The following ERC2 variants were observed in gnomAD, a reference collection of about 807,000 sequenced individuals.
ERC2 encodes ELKS/RAB6-interacting/CAST family member 2, also known as ERC protein 2.
A neutral mutation model predicts 114.8 loss-of-function variants in ERC2; 42 were observed. The observed-to-expected ratio is 0.37, with a 90% CI of 0.29 to 0.47. The LOEUF (loss-of-function observed/expected upper bound fraction) is 0.47, where lower values mean the gene tolerates loss of function less well. Ranked by LOEUF, ERC2 falls within the 20% of genes least tolerant of loss-of-function variation. ERC2 has a pLI of 0.99. For missense variants in ERC2, 939 were observed against 1,150.7 expected, an observed-to-expected ratio of 0.82 and a Z score of 2.66; for synonymous variants, 454 against 425.5, an observed-to-expected ratio of 1.07 and a Z score of -0.82.
chr3:55,790,319 C>G (rs2069890187), intron 14 of ERC2, among the ~76,000 whole-genome samples: 1 of 152,138 alleles, frequency 6.6e-6, no homozygotes, highest in African/African-American at 2.4e-5. Flanking sequence ...GCCAGTTTCT[C>G]TGGAAGCGCT....
rs571693205 is a variant in ERC2 at position 55,949,927 on chromosome 3, T to C, written c.2403+498A>G. On this transcript the variant is annotated intron_variant, in intron 13 of 17. Transcript: ENST00000288221. ...TAAGATATGGCTGTCCATTGAAAGA[T>C]AACTATATTCACAGAGAAGACAGAA... 9.8e-5 allele frequency among the ~76,000 whole-genome samples: 15 copies of C among 152,294 alleles called. No homozygotes were observed. The South Asian group carries it at 3.1e-3, about 32-fold the overall frequency.
chr3:55,944,578 G>A (rs576994950), intron 13 of ERC2, among the ~76,000 whole-genome samples: 9 of 152,278 alleles, frequency 5.9e-5, no homozygotes, highest in Non-Finnish European at 1.2e-4. Context: ...TTATTTACAC[G>A]ATTGCACTTG....
intron 3 of ERC2, among the ~76,000 whole-genome samples, chr3:56,272,777 A>G (rs193007889): frequency 3.2e-4 from 48 of 152,300 alleles, no homozygotes; most frequent in Admixed American, 1.8e-3. Flanking sequence ...ATAATAAAAA[A>G]CAAAGAAAGA....
intron 17 of ERC2, among the ~76,000 whole-genome samples, chr3:55,545,243 C>T (rs1456393469): frequency 2.6e-5 from 4 of 152,222 alleles, no homozygotes; most frequent in Non-Finnish European, 4.4e-5. Context: ...GAACTCCCTG[C>T]GTCAACATCC....
At chr3:56,084,728 G>A (rs2077413216) in intron 6 of ERC2, among the ~76,000 whole-genome samples, 2 of 151,962 alleles carry the variant, frequency 1.3e-5, no homozygotes, top group African/African-American at 4.8e-5. Context: ...AGGAGGATGA[G>A]GAATAAAAAA....
chr3:56,375,307 C>T (rs911559758), intron 2 of ERC2, among the ~76,000 whole-genome samples: 8 of 152,180 alleles, frequency 5.3e-5, no homozygotes, highest in Non-Finnish European at 1.0e-4. Flanking sequence ...CCCAAAACAT[C>T]AGTTCTGAAT....
intron 17 of ERC2, among the ~76,000 whole-genome samples, chr3:55,629,063 A>T (rs1452755312): frequency 1.3e-5 from 2 of 152,240 alleles, no homozygotes; most frequent in Non-Finnish European, 2.9e-5. Context: ...ACTACTGTAA[A>T]GGGACAAGAA....
At chr3:55,762,807 C>A (rs2067536367) in intron 14 of ERC2, among the ~76,000 whole-genome samples, 2 of 152,136 alleles carry the variant, frequency 1.3e-5, no homozygotes, top group Admixed American at 1.3e-4. Flanking sequence ...GGAAGAATGG[C>A]TGAATATTTG....
intron 14 of ERC2, among the ~76,000 whole-genome samples, chr3:55,876,087 T>A (rs1312019572): frequency 6.6e-6 from 1 of 152,230 alleles, no homozygotes. Flanking sequence ...AAACATTTAT[T>A]GAATGTTTAG....
At chr3:55,553,713 G>A (rs1385479446) in intron 17 of ERC2, among the ~76,000 whole-genome samples, 18 of 152,044 alleles carry the variant, frequency 1.2e-4, no homozygotes, top group Admixed American at 1.2e-3. Flanking sequence ...CCGGGAGGTG[G>A]AGCTTGCCGT....
chr3:55,814,523 C>G (rs541668390), intron 14 of ERC2, among the ~76,000 whole-genome samples: 2 of 152,254 alleles, frequency 1.3e-5, no homozygotes, highest in South Asian at 4.2e-4. Flanking sequence ...CCTTTCTGTT[C>G]AAATAGGGCT....
At chr3:56,300,414 C>A (rs1400283821) in intron 2 of ERC2, among the ~76,000 whole-genome samples, 1 of 151,944 alleles carries the variant, frequency 6.6e-6, no homozygotes, top group Non-Finnish European at 1.5e-5. Flanking sequence ...GCTAGAAATG[C>A]AGAGAGGAGG....
At chr3:55,536,833 T>C (rs2054030406) in intron 17 of ERC2, among the ~76,000 whole-genome samples, 1 of 152,168 alleles carries the variant, frequency 6.6e-6, no homozygotes, top group South Asian at 2.1e-4. Context: ...CTCGGCCCAG[T>C]GCCTCAACCC....
At chr3:55,985,132 C>T (rs1466978847) in intron 12 of ERC2, among the ~76,000 whole-genome samples, 1 of 152,156 alleles carries the variant, frequency 6.6e-6, no homozygotes, top group Admixed American at 6.5e-5. Flanking sequence ...TTAGTAAACT[C>T]ATTGATTGAA....
At chr3:56,003,025 G>C (rs553846304) in intron 10 of ERC2, 284 of 1,116,476 alleles carry the variant, frequency 2.5e-4, no homozygotes, top group Non-Finnish European at 2.7e-4. Flanking sequence ...CCCCAGTATG[G>C]CACACCGTGA....
At chr3:56,413,586 G>T (rs9813010) in intron 2 of ERC2, among the ~76,000 whole-genome samples, 2 of 152,034 alleles carry the variant, frequency 1.3e-5, no homozygotes, top group African/African-American at 2.4e-5. Flanking sequence ...AGTCCCCTTG[G>T]TCAGACACTG....
At chr3:55,597,314 A>G (rs1327431339) in intron 17 of ERC2, among the ~76,000 whole-genome samples, 1 of 151,204 alleles carries the variant, frequency 6.6e-6, no homozygotes, top group Non-Finnish European at 1.5e-5. Context: ...CAGCCACTTG[A>G]GAGGCTGAGG....
chr3:56,147,844 C>T (rs550560822), intron 5 of ERC2, among the ~76,000 whole-genome samples: 15 of 152,152 alleles, frequency 9.9e-5, no homozygotes, highest in South Asian at 4.2e-4. Flanking sequence ...CCTATTTGGG[C>T]TATTCGTAAA....
intron 17 of ERC2, chr3:55,607,812 T>G (rs2058709767): frequency 6.6e-6 from 1 of 152,124 alleles, no homozygotes; most frequent in Non-Finnish European, 1.5e-5. Context: ...GAGCCCACTT[T>G]GCCCCTTCCT....
Sources: allele counts gnomAD v4.1 joint callset (sites outside exome capture counted in the v4.1 genomes callset), GRCh38; gene constraint gnomAD v4.1.1; transcripts MANE v1.5; gene names NCBI Gene and HGNC (gene_info 2026-07-23, HGNC 2026-07-21).